The following NPAS3 variants were observed in gnomAD, a reference collection of about 807,000 sequenced individuals.
The protein encoded by NPAS3 is neuronal PAS domain-containing protein 3.
NPAS3 carries 14 observed loss-of-function variants against 73.1 expected under a neutral mutation model. That is an observed-to-expected ratio of 0.19 (90% CI 0.13 to 0.30). NPAS3 has a LOEUF of 0.30. Among genes scored for constraint, NPAS3 ranks in the 10% least tolerant of loss-of-function variants. The pLI, the probability that NPAS3 is intolerant of heterozygous loss-of-function variation, is 1.00. For synonymous variants in NPAS3, 620 were observed against 541.5 expected (o/e 1.14, Z -2.01); for missense variants, 1,096 against 1,250.0 (o/e 0.88, Z 1.86).
At chr14:33,610,048 A>G (rs1293441692) in intron 5 of NPAS3, among the ~76,000 whole-genome samples, 1 of 152,172 alleles carries the variant, frequency 6.6e-6, no homozygotes, top group Non-Finnish European at 1.5e-5. Context: ...TCTGACTATC[A>G]CTAACTTAGT....
At chr14:33,438,073 A>G (rs1430738280) in intron 4 of NPAS3, among the ~76,000 whole-genome samples, 3 of 152,240 alleles carry the variant, frequency 2.0e-5, no homozygotes, top group African/African-American at 7.2e-5. Flanking sequence ...GGAAAATAAT[A>G]TATGTATGTC....
intron 9 of NPAS3, among the ~76,000 whole-genome samples, chr14:33,779,187 C>T (rs1012489930): frequency 1.3e-5 from 2 of 152,234 alleles, no homozygotes; most frequent in African/African-American, 4.8e-5. Context: ...TTGAATATGG[C>T]TCCCAGCCCC....
At chr14:33,650,424 T>C (rs539721768) in intron 5 of NPAS3, among the ~76,000 whole-genome samples, 6 of 152,040 alleles carry the variant, frequency 3.9e-5, no homozygotes, top group African/African-American at 9.6e-5. Flanking sequence ...CTCACCCCAA[T>C]TGAAGAAAAA....
intron 4 of NPAS3, among the ~76,000 whole-genome samples, chr14:33,439,887 G>A (rs1287686494): frequency 1.3e-5 from 2 of 151,996 alleles, no homozygotes; most frequent in Non-Finnish European, 2.9e-5. Context: ...AGGCCGAGGC[G>A]GGTGCATCAC....
At chr14:33,107,363 G>A (rs2042754502) in intron 2 of NPAS3, among the ~76,000 whole-genome samples, 1 of 152,178 alleles carries the variant, frequency 6.6e-6, no homozygotes, top group African/African-American at 2.4e-5. Flanking sequence ...GCAGGGTAGT[G>A]AGCATAGTAC....
At chr14:33,249,140 A>G (rs927617701) in intron 3 of NPAS3, among the ~76,000 whole-genome samples, 4 of 152,132 alleles carry the variant, frequency 2.6e-5, no homozygotes, top group African/African-American at 7.2e-5. Context: ...GACTGTTAAA[A>G]TTTTCGAAGA....
Position 33,033,873 on chromosome 14 carries a change from A to C in NPAS3, c.51-22032A>C, listed in dbSNP as rs1425108717. 2.6e-5 allele frequency among the ~76,000 whole-genome samples: 4 copies of C among 152,360 alleles called. No individual in the cohort carries two copies. In the East Asian group the frequency reaches 7.7e-4, roughly 29 times the overall value. Reference sequence around the variant, plus strand: ...GAACAAGATTGTTATTATAGGCACAATTATCCACTGGCCTTTAGCCTTTGA... The same window carrying C: ...GAACAAGATTGTTATTATAGGCACACTTATCCACTGGCCTTTAGCCTTTGA... On this transcript the variant is annotated intron_variant, in intron 1 of 11. Coordinates refer to ENST00000356141, the Ensembl canonical transcript of NPAS3.
intron 5 of NPAS3, among the ~76,000 whole-genome samples, chr14:33,671,719 A>T (rs769690401): frequency 3.3e-5 from 5 of 152,234 alleles, no homozygotes; most frequent in Non-Finnish European, 7.3e-5. Flanking sequence ...TTCCAGAGTC[A>T]TTCAGCTGGA....
rs1381290606 is a variant in NPAS3, at chr14:33,325,658, A to G, written c.386-41528A>G. Among the ~76,000 whole-genome samples the G allele has an allele frequency of 3.3e-5, 5 of 149,954 alleles. No homozygotes were observed. The East Asian group carries it at 7.9e-4, about 24-fold the overall frequency. On this transcript the variant is annotated intron_variant, in intron 3 of 11. Transcript: ENST00000356141. ...CCGTCTCAAAAAAAAAAAAAAAAAAAGTACAGTTAAGTTATTATTGACTAT... is the reference window on the plus strand; with the variant it reads ...CCGTCTCAAAAAAAAAAAAAAAAAAGGTACAGTTAAGTTATTATTGACTAT...
chr14:33,267,987 G>GC (rs2040891881), intron 3 of NPAS3, among the ~76,000 whole-genome samples: 1 of 152,156 alleles, frequency 6.6e-6, no homozygotes. Context: ...CCTACTGTAT[G>GC]CCTAAGGATG....
At chr14:33,212,918 C>T (rs1419412727) in intron 2 of NPAS3, among the ~76,000 whole-genome samples, 3 of 152,146 alleles carry the variant, frequency 2.0e-5, no homozygotes, top group Non-Finnish European at 4.4e-5. Flanking sequence ...AATTGTAAAA[C>T]GAGTCCCTGA....
chr14:33,271,390 G>T (rs558745592), intron 3 of NPAS3, among the ~76,000 whole-genome samples: 1 of 152,224 alleles, frequency 6.6e-6, no homozygotes, highest in East Asian at 1.9e-4. Context: ...GGGAAAGGGG[G>T]TTCTGGTTTC....
intron 3 of NPAS3, among the ~76,000 whole-genome samples, chr14:33,246,408 G>A (rs1481429570): frequency 6.6e-6 from 1 of 150,576 alleles, no homozygotes; most frequent in Non-Finnish European, 1.5e-5. Context: ...GCATGGTGGC[G>A]GGCACGTGTA....
intron 3 of NPAS3, among the ~76,000 whole-genome samples, chr14:33,308,284 G>A (rs1401697195): frequency 6.6e-6 from 1 of 151,840 alleles, no homozygotes; most frequent in African/African-American, 2.4e-5. Flanking sequence ...CATACCTTGG[G>A]TTTACCCCAC....
At chr14:33,225,788 A>G (rs2047609111) in intron 3 of NPAS3, among the ~76,000 whole-genome samples, 1 of 152,104 alleles carries the variant, frequency 6.6e-6, no homozygotes, top group South Asian at 2.1e-4. Flanking sequence ...TAGATAGCCA[A>G]CTCCTGTTGG....
chr14:33,696,293 A>G (rs961576905), intron 6 of NPAS3, among the ~76,000 whole-genome samples: 1 of 152,238 alleles, frequency 6.6e-6, no homozygotes, highest in Non-Finnish European at 1.5e-5. Flanking sequence ...ACCCTGGACT[A>G]GAAAAGTAAC....
At chr14:33,383,029 G>C (rs78017913) in intron 4 of NPAS3, among the ~76,000 whole-genome samples, 2 of 146,834 alleles carry the variant, frequency 1.4e-5, no homozygotes, top group Admixed American at 6.9e-5. Context: ...TGAGGCTGTA[G>C]TGAGCCGTGT....
chr14:33,490,040 T>G, intron 4 of NPAS3, among the ~76,000 whole-genome samples: 1 of 152,300 alleles, frequency 6.6e-6, no homozygotes, highest in South Asian at 2.1e-4. Context: ...TTTTTGGCTT[T>G]GCTCTATCAT....
At chr14:33,266,082 A>G (rs1255376262) in intron 3 of NPAS3, among the ~76,000 whole-genome samples, 2 of 151,968 alleles carry the variant, frequency 1.3e-5, no homozygotes, top group African/African-American at 4.8e-5. Flanking sequence ...AGAAGCTAAC[A>G]TTGCAGAATT....
Sources: allele counts gnomAD v4.1 joint callset (sites outside exome capture counted in the v4.1 genomes callset), GRCh38; gene constraint gnomAD v4.1.1; transcripts MANE v1.5; gene names NCBI Gene and HGNC (gene_info 2026-07-23, HGNC 2026-07-21).